The following KDM4C variants were observed in gnomAD, a reference collection of about 807,000 sequenced individuals.
The protein encoded by KDM4C is lysine demethylase 4C, also known as lysine-specific demethylase 4C.
A neutral mutation model predicts 129.3 loss-of-function variants in KDM4C; 81 were observed. The ratio of observed to expected loss-of-function variants is 0.63; its 90% CI spans 0.52 to 0.75. KDM4C has a LOEUF of 0.75. Among genes scored for constraint, KDM4C ranks in the 30% least tolerant of loss-of-function variants. KDM4C has a pLI of 0.00. For synonymous variants in KDM4C, 573 were observed against 456.1 expected, an observed-to-expected ratio of 1.26 and a Z score of -3.26; for missense variants, 1,457 against 1,304.0, an observed-to-expected ratio of 1.12 and a Z score of -1.81.
chr9:6,934,790 TG>T (rs1375166938), intron 8 of KDM4C, among the ~76,000 whole-genome samples: 1 of 152,150 alleles, frequency 6.6e-6, no homozygotes, highest in Non-Finnish European at 1.5e-5. Flanking sequence ...GAACTTTAAT[TG>T]GATATGAACT....
At chr9:6,862,208 T>C (rs1478238126) in intron 5 of KDM4C, among the ~76,000 whole-genome samples, 10 of 152,220 alleles carry the variant, frequency 6.6e-5, no homozygotes, top group Admixed American at 6.5e-4. Context: ...TGGGAAGATA[T>C]TATACTTGAG....
chr9:6,836,546 C>T (rs1383059177), intron 4 of KDM4C, among the ~76,000 whole-genome samples: 1 of 152,140 alleles, frequency 6.6e-6, no homozygotes, highest in Non-Finnish European at 1.5e-5. Context: ...TTAGTCCTTT[C>T]CTGCTATGCC....
chr9:6,876,791 A>ACATAGACTG (rs1291385556), intron 5 of KDM4C, among the ~76,000 whole-genome samples: 2 of 152,178 alleles, frequency 1.3e-5, no homozygotes, highest in African/African-American at 4.8e-5. Flanking sequence ...CAGCCTACAC[A>ACATAGACTG]CATAGACTGC....
At chr9:6,983,516 A>G (rs920996581) in intron 9 of KDM4C, among the ~76,000 whole-genome samples, 2 of 150,532 alleles carry the variant, frequency 1.3e-5, no homozygotes, top group Non-Finnish European at 3.0e-5. Flanking sequence ...GGGGAGGATC[A>G]CTTGAGGCCA....
chr9:7,083,428 A>C (rs1834761015), intron 17 of KDM4C, among the ~76,000 whole-genome samples: 1 of 152,190 alleles, frequency 6.6e-6, no homozygotes, highest in Non-Finnish European at 1.5e-5. Flanking sequence ...ATCATTACGC[A>C]GTTTTGTCTG....
intron 1 of KDM4C, among the ~76,000 whole-genome samples, chr9:6,774,993 C>G (rs7875468): frequency 0.06 from 9,104 of 152,202 alleles, 293 homozygotes; most frequent in East Asian, 0.12. Context: ...TAGTTTAAGG[C>G]TTTCTGAGAT....
intron 15 of KDM4C, among the ~76,000 whole-genome samples, chr9:7,020,737 A>G (rs1824659548): frequency 6.6e-6 from 1 of 152,214 alleles, no homozygotes; most frequent in African/African-American, 2.4e-5. Context: ...TTTGATACAG[A>G]CATGCAGTAC....
chr9:6,991,107 C>T (rs2153502), intron 12 of KDM4C, among the ~76,000 whole-genome samples: 151,102 of 152,164 alleles, frequency 0.99, 75,031 homozygotes, highest in East Asian at 1. Flanking sequence ...GACAGGGTCT[C>T]GCTCTGTTAT....
chr9:6,725,360 G>A (rs1184196655), intron 1 of KDM4C, among the ~76,000 whole-genome samples: 4 of 151,884 alleles, frequency 2.6e-5, no homozygotes, highest in Non-Finnish European at 5.9e-5. Context: ...TTCCACTCGA[G>A]TATCAGAGAC....
intron 17 of KDM4C, among the ~76,000 whole-genome samples, chr9:7,050,472 C>G: frequency 2.1e-5 from 2 of 93,436 alleles, no homozygotes; most frequent in Non-Finnish European, 5.0e-5. Flanking sequence ...AAAAAACAAA[C>G]AAAACGTTTG....
At chr9:6,935,228 C>G (rs1824545491) in intron 8 of KDM4C, among the ~76,000 whole-genome samples, 2 of 152,146 alleles carry the variant, frequency 1.3e-5, no homozygotes, top group South Asian at 4.1e-4. Flanking sequence ...TTACAAAAAT[C>G]TCAATAATTT....
At chr9:6,819,934 A>G (rs1832736901) in intron 4 of KDM4C, among the ~76,000 whole-genome samples, 1 of 152,226 alleles carries the variant, frequency 6.6e-6, no homozygotes, top group Admixed American at 6.5e-5. Flanking sequence ...TAGAGTCATC[A>G]AATTGCAGTT....
intron 1 of KDM4C, among the ~76,000 whole-genome samples, chr9:6,764,673 A>G (rs539850792): frequency 1.3e-5 from 2 of 152,320 alleles, no homozygotes; most frequent in African/African-American, 4.8e-5. Flanking sequence ...ATGAACTGCT[A>G]CTGCATAAAG....
chr9:6,893,246 C>T lies in KDM4C; in HGVS notation c.921+14C>T. 1.3e-6 allele frequency: 2 copies of T among 1,594,714 alleles called. No individual in the cohort carries two copies. Among genetic ancestry groups the T allele is most frequent in the Non-Finnish European group, 1.7e-6 (2 of 1,171,814 alleles). On this transcript the variant is annotated intron_variant, in intron 8 of 21. Coordinates refer to ENST00000381309, the MANE Select transcript of KDM4C (RefSeq NM_015061.6). ...GTTGCCAAATTGGTAAGCTATGCCTCAAAAATAAAGCAAAAATTAAATGTG... is the reference window on the plus strand; with the variant it reads ...GTTGCCAAATTGGTAAGCTATGCCTTAAAAATAAAGCAAAAATTAAATGTG...
In KDM4C at chr9:6,981,548, A is replaced by G. The variant is rs536995647; in HGVS notation, c.1115+430A>G. ...AGCTACTGCTCTCTTCTGGATGCTT[A>G]TATTTTACTACATTTTATGCACATG... On this transcript the variant is annotated intron_variant, in intron 9 of 21. Transcript: ENST00000381309. Among the ~76,000 whole-genome samples the G allele has an allele frequency of 1.2e-4, 18 of 152,272 alleles. No individual in the cohort carries two copies. In the South Asian group the frequency reaches 2.7e-3, roughly 23 times the overall value.
At chr9:6,735,730 T>C (rs528065719) in intron 1 of KDM4C, among the ~76,000 whole-genome samples, 21 of 152,320 alleles carry the variant, frequency 1.4e-4, no homozygotes, top group African/African-American at 4.8e-4. Flanking sequence ...GGTATGTCTT[T>C]ATCAGCAGCG....
chr9:6,776,598 CTT>C (rs34450311), intron 1 of KDM4C, among the ~76,000 whole-genome samples: 152 of 106,180 alleles, frequency 1.4e-3, no homozygotes, highest in African/African-American at 5.0e-3. Flanking sequence ...CTCAAACCCA[CTT>C]TTTTTTTTTT....
chr9:6,821,822 A>G (rs1833080607), intron 4 of KDM4C, among the ~76,000 whole-genome samples: 1 of 152,054 alleles, frequency 6.6e-6, no homozygotes, highest in Non-Finnish European at 1.5e-5. Context: ...TTTAGCAGAG[A>G]CCGTGATTCG....
At chr9:6,989,139 T>C (rs888709851) in intron 11 of KDM4C, among the ~76,000 whole-genome samples, 2 of 152,228 alleles carry the variant, frequency 1.3e-5, no homozygotes, top group African/African-American at 4.8e-5. Flanking sequence ...TTAGCTATTA[T>C]AAACATAGAT....
Sources: allele counts gnomAD v4.1 joint callset (sites outside exome capture counted in the v4.1 genomes callset), GRCh38; gene constraint gnomAD v4.1.1; transcripts MANE v1.5; gene names NCBI Gene and HGNC (gene_info 2026-07-23, HGNC 2026-07-21).